Variants in CACNA2D3 observed in about 807,000 individuals in gnomAD.
The protein encoded by CACNA2D3 is calcium voltage-gated channel auxiliary subunit alpha2delta 3.
A neutral mutation model predicts 160.6 loss-of-function variants in CACNA2D3; 60 were observed. The ratio of observed to expected loss-of-function variants is 0.37; its 90% confidence interval spans 0.30 to 0.46. CACNA2D3 has a LOEUF of 0.46. Among genes scored for constraint, CACNA2D3 ranks in the 20% least tolerant of loss-of-function variants. The probability of loss-of-function intolerance (pLI) is 1.00; values close to 1 mark genes in which losing one functional copy is unlikely to be tolerated. For missense variants in CACNA2D3, 1,205 were observed against 1,365.0 expected, an observed-to-expected ratio of 0.88 and a Z score of 1.85; for synonymous variants, 558 against 492.9, an observed-to-expected ratio of 1.13 and a Z score of -1.75.
At position 54,517,202 on chromosome 3, in the gene CACNA2D3, G is replaced by A. The variant is rs182852153; in HGVS notation, c.544+13548G>A. On this transcript the variant is annotated intron_variant, in intron 5 of 37. Transcript: ENST00000474759. ...CAGGTCTGCCTGTTGTCCTAGCTGCGTTGCTTAAGTGGGCAAAAAGAGACT... is the reference window on the plus strand; with the variant it reads ...CAGGTCTGCCTGTTGTCCTAGCTGCATTGCTTAAGTGGGCAAAAAGAGACT... Among the ~76,000 whole-genome samples, 49 of 152,318 alleles carry A rather than the reference G, an allele frequency of 3.2e-4. 1 individual carries two copies. The highest frequency in any genetic ancestry group is 2.8e-3 in the Admixed American group (43 of 15,298).
intron 17 of CACNA2D3, among the ~76,000 whole-genome samples, chr3:54,853,484 G>T (rs562424533): frequency 6.6e-4 from 101 of 152,266 alleles, no homozygotes; most frequent in Non-Finnish European, 1.1e-3. Flanking sequence ...AAATGTGGTT[G>T]GTTAAGCTCC....
At chr3:54,798,680 G>GC (rs1359647056) in intron 13 of CACNA2D3, among the ~76,000 whole-genome samples, 1 of 152,204 alleles carries the variant, frequency 6.6e-6, no homozygotes, top group East Asian at 1.9e-4. Context: ...GCGTCATAGG[G>GC]CATTTTTCCT....
chr3:54,518,618 C>T (rs948652012), intron 5 of CACNA2D3, among the ~76,000 whole-genome samples: 1 of 152,250 alleles, frequency 6.6e-6, no homozygotes, highest in African/African-American at 2.4e-5. Flanking sequence ...GAAATGCTCT[C>T]TGCTTATCCT....
intron 4 of CACNA2D3, among the ~76,000 whole-genome samples, chr3:54,433,125 A>C (rs1190233943): frequency 6.6e-6 from 1 of 152,208 alleles, no homozygotes; most frequent in East Asian, 1.9e-4. Context: ...TGAGCTCAAC[A>C]TTCCAACGCT....
At chr3:54,355,188 A>G (rs1205019290) in intron 3 of CACNA2D3, among the ~76,000 whole-genome samples, 2 of 152,196 alleles carry the variant, frequency 1.3e-5, no homozygotes, top group African/African-American at 4.8e-5. Context: ...TGGGATCTGT[A>G]TGGCCTGAAG....
intron 11 of CACNA2D3, among the ~76,000 whole-genome samples, chr3:54,721,903 T>G (rs1004011225): frequency 7.2e-5 from 11 of 152,312 alleles, no homozygotes; most frequent in Non-Finnish European, 1.6e-4. Context: ...GTTGCTCTTC[T>G]CGAGGAGTAT....
intron 19 of CACNA2D3, 97 bp from the exon 20 acceptor site, chr3:54,879,253 A>T: frequency 1.0e-6 from 1 of 953,636 alleles, no homozygotes; most frequent in Non-Finnish European, 1.6e-6. Context: ...ACCTGATCAT[A>T]GTGTGTCCAT....
At chr3:54,234,321 A>G (rs1701834016) in intron 2 of CACNA2D3, among the ~76,000 whole-genome samples, 1 of 152,236 alleles carries the variant, frequency 6.6e-6, no homozygotes, top group South Asian at 2.1e-4. Context: ...CTATTATTAA[A>G]AAAGCCAAAA....
In CACNA2D3 at chr3:55,038,864, CTATATATATATATATATATATATA is replaced by C. The variant is rs10576329; in HGVS notation, c.2987+20568_2987+20591del. On this transcript the variant is annotated intron_variant, in intron 35 of 37. Coordinates refer to ENST00000474759, the MANE Select transcript of CACNA2D3 (RefSeq NM_018398.3). Reference sequence around the variant, plus strand: ...TAAGATAAGTGAAGTAGCCAGGATGCTATATATATATATATATATATATATATATATATATATATATATACACAC... The same window carrying C: ...TAAGATAAGTGAAGTAGCCAGGATGCTATATATATATATATATATACACAC... Among the ~76,000 whole-genome samples the C allele has an allele frequency of 8.7e-4, 86 of 99,088 alleles. 1 individual carries two copies. The highest frequency in any genetic ancestry group is 4.6e-3 in the East Asian group (12 of 2,588). The allele number at this position is 99,088 out of a possible 152,430, so 65.0% of individuals were successfully genotyped here.
intron 9 of CACNA2D3, among the ~76,000 whole-genome samples, chr3:54,607,821 C>A (rs1426872994): frequency 6.6e-6 from 1 of 152,160 alleles, no homozygotes; most frequent in Non-Finnish European, 1.5e-5. Context: ...AAACTGGAAA[C>A]AACCCAAGTT....
intron 35 of CACNA2D3, among the ~76,000 whole-genome samples, chr3:55,064,901 G>A (rs2107225263): frequency 6.6e-6 from 1 of 152,206 alleles, no homozygotes; most frequent in South Asian, 2.1e-4. Flanking sequence ...ATGGGGATGG[G>A]GGCAGGGGCA....
chr3:54,188,239 A>G (rs1341946900), intron 2 of CACNA2D3, among the ~76,000 whole-genome samples: 1 of 31,910 alleles, frequency 3.1e-5, no homozygotes, highest in Non-Finnish European at 6.8e-5. Flanking sequence ...AAACAAACAA[A>G]CAAACAAACA....
intron 2 of CACNA2D3, among the ~76,000 whole-genome samples, chr3:54,246,804 A>G (rs898930790): frequency 2.6e-5 from 4 of 152,188 alleles, no homozygotes; most frequent in African/African-American, 9.7e-5. Flanking sequence ...CTGCATGAGA[A>G]CAACAGAAGA....
At chr3:54,817,884 C>T (rs1204359510) in intron 14 of CACNA2D3, among the ~76,000 whole-genome samples, 2 of 152,202 alleles carry the variant, frequency 1.3e-5, no homozygotes, top group Non-Finnish European at 2.9e-5. Context: ...ACTTCAATGC[C>T]ATCACAAAAG....
chr3:54,441,079 T>C (rs573070211), intron 4 of CACNA2D3, among the ~76,000 whole-genome samples: 124 of 152,262 alleles, frequency 8.1e-4, no homozygotes, highest in African/African-American at 2.8e-3. Context: ...TCCACAATGG[T>C]TGAACTAGTT....
rs557786561 is a variant in CACNA2D3 at position 55,070,116 on chromosome 3, C to T, written c.2988-3329C>T. ...AACCCTAGGTGCTAGAGATAACTCA[C>T]AACCTCAGGCAGTCAGGTGCAGCCC... On this transcript the variant is annotated intron_variant, in intron 35 of 37. Transcript: ENST00000474759. Among the ~76,000 whole-genome samples the T allele has an allele frequency of 2.6e-5, 4 of 152,314 alleles. No individual in the cohort carries two copies. In the East Asian group the frequency reaches 7.7e-4, roughly 29 times the overall value.
chr3:54,886,148 A>G (rs1699919519), intron 23 of CACNA2D3, among the ~76,000 whole-genome samples: 1 of 45,050 alleles, frequency 2.2e-5, no homozygotes, highest in African/African-American at 1.4e-4. Flanking sequence ...AAAAGCAGGA[A>G]CAGACCCTAT....
intron 2 of CACNA2D3, among the ~76,000 whole-genome samples, chr3:54,177,155 A>G (rs1179224401): frequency 1.3e-5 from 2 of 152,220 alleles, no homozygotes; most frequent in African/African-American, 2.4e-5. Flanking sequence ...GCTCCACAGC[A>G]TGAGTCCCTT....
intron 14 of CACNA2D3, among the ~76,000 whole-genome samples, chr3:54,823,036 G>A (rs1443736521): frequency 3.3e-5 from 5 of 151,656 alleles, no homozygotes; most frequent in African/African-American, 1.2e-4. Context: ...TGTATTTTTA[G>A]TAGAGACAGA....
Sources: gnomAD v4.1 joint callset for allele counts (sites outside exome capture counted in the v4.1 genomes callset) on GRCh38, gnomAD v4.1.1 for gene constraint, MANE v1.5 for transcripts, NCBI Gene and HGNC (gene_info 2026-07-23, HGNC 2026-07-21) for gene names.